Variants in PLCE1 observed in about 807,000 individuals in gnomAD.
PLCE1 encodes the protein phospholipase C epsilon 1, also known as 1-phosphatidylinositol 4,5-bisphosphate phosphodiesterase epsilon-1.
A neutral mutation model predicts 242.8 loss-of-function variants in PLCE1; 119 were observed. The observed-to-expected ratio is 0.49, with a 90% CI of 0.42 to 0.57. The LOEUF (loss-of-function observed/expected upper bound fraction) is 0.57. Among genes scored for constraint, PLCE1 ranks in the 20% least tolerant of loss-of-function variants. The pLI, the probability that PLCE1 is intolerant of heterozygous loss-of-function variation, is 0.00. For missense variants in PLCE1, 2,441 were observed against 2,788.8 expected (o/e 0.88, Z 2.81); for synonymous variants, 945 against 1,017.4 (o/e 0.93, Z 1.35).
intron 29 of PLCE1, 106 bp downstream of exon 29, chr10:94,316,862 G>C: frequency 1.3e-6 from 1 of 796,556 alleles, no homozygotes; most frequent in Non-Finnish European, 2.2e-6. Context: ...ATTGCAACTT[G>C]GTTTATATTC....
chr10:94,157,049 T>C (rs1428630484), intron 3 of PLCE1, among the ~76,000 whole-genome samples: 1 of 152,176 alleles, frequency 6.6e-6, no homozygotes, highest in Non-Finnish European at 1.5e-5. Context: ...GATTCATTAG[T>C]ACAGTGTGTG....
intron 7 of PLCE1, 93 bp from the exon 8 acceptor site, chr10:94,245,853 C>G (rs998866610): frequency 1.1e-6 from 1 of 951,986 alleles, no homozygotes; most frequent in African/African-American, 1.6e-5. Context: ...ATTCATAGTG[C>G]GATGAAAAAT....
intron 14 of PLCE1, among the ~76,000 whole-genome samples, chr10:94,265,234 A>G (rs1005202545): frequency 6.6e-5 from 10 of 152,226 alleles, no homozygotes; most frequent in East Asian, 1.9e-4. Context: ...TGAGATTACT[A>G]TCACACTGTT....
Position 94,254,990 on chromosome 10 carries a change from A to G in PLCE1, c.3495A>G (p.Ser1165=). 2 of 1,614,124 alleles carry G rather than the reference A, an allele frequency of 1.2e-6. No individual in the cohort carries two copies. The highest frequency in any genetic ancestry group is 1.7e-6 in the Non-Finnish European group (2 of 1,179,990). Residue 1165 remains serine (S), a synonymous_variant, in exon 11 of 33, where the codon TCA becomes TCG. Transcript: ENST00000371380. ...AGSPNLAAGT[S]SPIRPVSSPV... is the part of the protein sequence containing the mutation. ...CCCCCAACTTGGCTGCCGGGACGTC[A>G]TCTCCCATCAGGCCAGTGTCCTCCC...
intron 29 of PLCE1, 56 bp downstream of exon 29, chr10:94,316,812 T>G: frequency 1.5e-6 from 2 of 1,299,682 alleles, no homozygotes; most frequent in Non-Finnish European, 1.1e-6. Flanking sequence ...GATTAGCCAT[T>G]TACCACTCAC....
chr10:94,306,319 A>G lies in PLCE1; in HGVS notation c.5623-108A>G. 6.4e-7 allele frequency: 1 copy of G among 1,571,724 alleles called. No individual in the cohort carries two copies. Among genetic ancestry groups the G allele is most frequent in the Non-Finnish European group, 8.8e-7 (1 of 1,142,630 alleles). On this transcript the variant is annotated intron_variant, in intron 25 of 32. Coordinates refer to ENST00000371380, the MANE Select transcript of PLCE1 (RefSeq NM_016341.4). This position sits in a 1 kb window ranked among gnomAD's most constrained non-coding sequence, Gnocchi z 5.7. ...GTTTTATTCATCATTCACTTTGTCC[A>G]TTCCAGTGTTCTTGGGATTCCTTTG... is the stretch of plus-strand genomic sequence containing the variant.
At chr10:94,113,559 G>T (rs144062443) in intron 2 of PLCE1, among the ~76,000 whole-genome samples, 1 of 152,284 alleles carries the variant, frequency 6.6e-6, no homozygotes, top group East Asian at 1.9e-4. Flanking sequence ...TGTATGCCAG[G>T]CACTATGCTA....
At chr10:94,103,766 A>G (rs1455843915) in intron 2 of PLCE1, among the ~76,000 whole-genome samples, 1 of 152,228 alleles carries the variant, frequency 6.6e-6, no homozygotes, top group African/African-American at 2.4e-5. Context: ...GTGCATGCAC[A>G]TGCACACACA....
At chr10:94,174,889 T>C (rs1407607432) in intron 4 of PLCE1, among the ~76,000 whole-genome samples, 7 of 152,154 alleles carry the variant, frequency 4.6e-5, no homozygotes. Context: ...ACTCTGAGGC[T>C]CATAGTTTAG....
At chr10:94,041,713 TG>T (rs1312022360) in intron 2 of PLCE1, among the ~76,000 whole-genome samples, 1 of 152,018 alleles carries the variant, frequency 6.6e-6, no homozygotes, top group Admixed American at 6.6e-5. Flanking sequence ...CTTCTGTCAG[TG>T]GGGGTTCGGG....
At chr10:94,121,172 G>A (rs1413881724) in intron 2 of PLCE1, 7 of 152,288 alleles carry the variant, frequency 4.6e-5, no homozygotes, top group Admixed American at 4.6e-4. Flanking sequence ...GGAATCCAGA[G>A]TTGAGCTGTT....
At chr10:94,211,641 TCTC>T (rs1233797096) in intron 4 of PLCE1, among the ~76,000 whole-genome samples, 3 of 152,244 alleles carry the variant, frequency 2.0e-5, no homozygotes, top group Admixed American at 1.3e-4. Flanking sequence ...TTGGCCTTCA[TCTC>T]CTCACTTTGG....
chr10:94,233,145 G>A (rs900184507), intron 5 of PLCE1, among the ~76,000 whole-genome samples: 3 of 152,250 alleles, frequency 2.0e-5, no homozygotes, highest in Non-Finnish European at 4.4e-5. Flanking sequence ...CCTCTCTTTA[G>A]AAGGTGTGGT....
At chr10:94,020,831 G>A (rs1327625330) in intron 1 of PLCE1, among the ~76,000 whole-genome samples, 1 of 151,834 alleles carries the variant, frequency 6.6e-6, no homozygotes, top group East Asian at 1.9e-4. Context: ...TTTTATTGTT[G>A]TTTTGTTTCT....
chr10:94,147,550 T>C (rs1399644113), intron 3 of PLCE1, among the ~76,000 whole-genome samples: 7 of 152,152 alleles, frequency 4.6e-5, no homozygotes, highest in African/African-American at 1.4e-4. Flanking sequence ...AAATAGTCAA[T>C]TGAGTGCCTG....
At chr10:94,072,983 C>T (rs1435706759) in intron 2 of PLCE1, among the ~76,000 whole-genome samples, 1 of 152,116 alleles carries the variant, frequency 6.6e-6, no homozygotes, top group Non-Finnish European at 1.5e-5. Context: ...TCTAGCATTT[C>T]CAGCTGCAGA....
In PLCE1 at chr10:94,252,108, T is replaced by G. The variant is rs1547643; in HGVS notation, c.3097-208T>G. ...AAAGCATGTCACTGGAACTCAGCAG[T>G]GATGTGACCAGGACAACGGGGGACA... is the stretch of plus-strand genomic sequence containing the variant. On this transcript the variant is annotated intron_variant, in intron 8 of 32. Coordinates refer to ENST00000371380, the MANE Select transcript of PLCE1 (RefSeq NM_016341.4). Among the ~76,000 whole-genome samples, 97,568 of 152,042 alleles carry G rather than the reference T, an allele frequency of 0.64. 31,689 individuals carry two copies. The highest frequency in any genetic ancestry group is 0.92 in the East Asian group (4,778 of 5,182).
chr10:94,263,365 T>C (rs1208459651), intron 14 of PLCE1, among the ~76,000 whole-genome samples: 1 of 151,178 alleles, frequency 6.6e-6, no homozygotes, highest in African/African-American at 2.4e-5. Flanking sequence ...AATACAAAAA[T>C]TAGCCAGGTG....
rs1049081999 is a variant in PLCE1, at chr10:94,234,062, A to C, written c.1964A>C (p.Lys655Thr). 17 of 1,613,680 alleles carry C rather than the reference A, an allele frequency of 1.1e-5. No individual in the cohort carries two copies. Among genetic ancestry groups the C allele is most frequent in the Non-Finnish European group, 1.4e-5 (16 of 1,179,732 alleles). ...TCATTTACTTGCAATAGGTCAAGAA[A>C]AGTTTTAAAAATGTGGCAGTTCATG... is the stretch of plus-strand genomic sequence containing the variant. The part of the protein sequence containing the change: ...MEFLAGLRSR[K>T]VLKMWQFMDQ... The change falls in exon 6 of 33, where the codon AAA becomes ACA. Residue 655 changes from lysine (K) to threonine (T), a missense_variant. Coordinates refer to ENST00000371380, the MANE Select transcript of PLCE1 (RefSeq NM_016341.4).
Sources: gnomAD v4.1 joint callset for allele counts (sites outside exome capture counted in the v4.1 genomes callset) on GRCh38, gnomAD v4.1.1 for gene constraint, Gnocchi (gnomAD v3.1) non-coding constraint, MANE v1.5 for transcripts, NCBI Gene and HGNC (gene_info 2026-07-23, HGNC 2026-07-21) for gene names.